CDC42BPA: variants seen among roughly 807,000 people sequenced by gnomAD.
The protein encoded by CDC42BPA is serine/threonine-protein kinase MRCK alpha.
In CDC42BPA, 80 loss-of-function variants were observed where a neutral mutation model predicts 223.5. The observed-to-expected ratio is 0.36, with a 90% CI of 0.30 to 0.43. The LOEUF (loss-of-function observed/expected upper bound fraction) is 0.43. Ranked by LOEUF, CDC42BPA falls within the 20% of genes least tolerant of loss-of-function variation. CDC42BPA has a pLI of 1.00. For missense variants in CDC42BPA, 1,743 were observed against 2,099.9 expected (o/e 0.83, Z 3.32); for synonymous variants, 694 against 718.6 (o/e 0.97, Z 0.55).
rs370210303 is a variant in CDC42BPA at position 227,066,023 on chromosome 1, C to T, written c.2904+3754G>A. ...CTCATTAGAGCCTTACCGCAAAGGG[C>T]AGGCATATAAGCATCAAGCACAATA... On this transcript the variant is annotated intron_variant, in intron 21 of 36. Transcript: ENST00000366766. Among the ~76,000 whole-genome samples the T allele has an allele frequency of 2.3e-4, 35 of 152,290 alleles. 2 individuals are homozygous for T. In the South Asian group the frequency reaches 7.3e-3, roughly 32 times the overall value.
At chr1:227,293,396 A>G (rs968722901) in intron 1 of CDC42BPA, among the ~76,000 whole-genome samples, 2 of 152,316 alleles carry the variant, frequency 1.3e-5, no homozygotes, top group African/African-American at 4.8e-5. Context: ...CCTCAAGCTT[A>G]CAGAACTTAT....
At chr1:227,169,025 A>C (rs1283922145) in intron 5 of CDC42BPA, among the ~76,000 whole-genome samples, 1 of 152,016 alleles carries the variant, frequency 6.6e-6, no homozygotes, top group Non-Finnish European at 1.5e-5. Context: ...ATTTAACTTC[A>C]AGTCTTTACT....
At chr1:227,080,035 GTGACCCA>G (rs1328305079) in intron 17 of CDC42BPA, among the ~76,000 whole-genome samples, 4 of 151,946 alleles carry the variant, frequency 2.6e-5, no homozygotes, top group African/African-American at 2.4e-5. Flanking sequence ...CATTTTGACT[GTGACCCA>G]TCACAAAGTC....
intron 1 of CDC42BPA, among the ~76,000 whole-genome samples, chr1:227,283,995 G>C (rs1441343196): frequency 5.3e-5 from 8 of 152,042 alleles, no homozygotes; most frequent in Non-Finnish European, 1.0e-4. Flanking sequence ...AGGTGGAGTG[G>C]GCTGCAGTGA....
intron 5 of CDC42BPA, chr1:227,178,332 G>C (rs1485320150): frequency 6.5e-6 from 1 of 152,726 alleles, no homozygotes; most frequent in Non-Finnish European, 1.5e-5. Context: ...ACTTTTATCA[G>C]GGTTTCTCAT....
chr1:227,008,714 G>A (rs991704566), intron 34 of CDC42BPA, among the ~76,000 whole-genome samples: 5 of 152,150 alleles, frequency 3.3e-5, no homozygotes, highest in Admixed American at 1.3e-4. Flanking sequence ...AAGCTCCAAA[G>A]CATACATTTT....
At chr1:227,277,549 T>C (rs917659444) in intron 1 of CDC42BPA, among the ~76,000 whole-genome samples, 1 of 152,162 alleles carries the variant, frequency 6.6e-6, no homozygotes, top group Non-Finnish European at 1.5e-5. Flanking sequence ...TCCATCACAA[T>C]CAAGATGAGT....
intron 6 of CDC42BPA, among the ~76,000 whole-genome samples, chr1:227,148,165 G>GT (rs983672686): frequency 1.7e-4 from 26 of 152,018 alleles, no homozygotes; most frequent in African/African-American, 6.3e-4. Flanking sequence ...TAGAAAACAG[G>GT]TAATTAAAAC....
At chr1:227,220,730 T>C (rs1417425414) in intron 2 of CDC42BPA, among the ~76,000 whole-genome samples, 2 of 152,176 alleles carry the variant, frequency 1.3e-5, no homozygotes, top group African/African-American at 4.8e-5. Context: ...ACAGTATCAT[T>C]TGACATCTTG....
intron 11 of CDC42BPA, 90 bp from the exon 12 acceptor site, chr1:227,120,027 T>G: frequency 2.0e-6 from 2 of 1,008,366 alleles, no homozygotes; most frequent in Non-Finnish European, 2.8e-6. Flanking sequence ...TTTTTAAAAT[T>G]GGTATTTTCA....
intron 1 of CDC42BPA, among the ~76,000 whole-genome samples, chr1:227,283,849 T>C (rs1688389213): frequency 6.6e-6 from 1 of 152,192 alleles, no homozygotes; most frequent in African/African-American, 2.4e-5. Context: ...GGCAGGCAGT[T>C]CACTTGAGGC....
At chr1:227,023,667 C>A (rs1667775039) in intron 31 of CDC42BPA, among the ~76,000 whole-genome samples, 1 of 152,122 alleles carries the variant, frequency 6.6e-6, no homozygotes. Flanking sequence ...ATCAACACAG[C>A]TGATTTATGA....
In CDC42BPA at chr1:227,317,055, T is replaced by A. The variant is rs201862186; in HGVS notation, c.128A>T (p.Asn43Ile). 3.1e-6 allele frequency: 5 copies of A among 1,613,846 alleles called. No individual in the cohort carries two copies. Among genetic ancestry groups the A allele is most frequent in the Non-Finnish European group, 4.2e-6 (5 of 1,179,734 alleles). Residue 43 changes from asparagine (N) to isoleucine (I), a missense_variant, in exon 1 of 37, where the codon AAT (asparagine) becomes ATT (isoleucine). Physicochemically the swap from Asn to Ile is moderately radical, Grantham distance 149. This residue lies in a region of CDC42BPA where 321 missense variants were observed against 488.7 expected (regional missense o/e 0.66). Transcript: ENST00000366766. Reference sequence around the variant, plus strand: ...CTTCTCTCTTCTCAATGGAGAATTATTGCATTCATCATAAAGGCAGATGAG... The same window carrying A: ...CTTCTCTCTTCTCAATGGAGAATTAATGCATTCATCATAAAGGCAGATGAG... The part of the protein sequence containing the change: ...DILICLYDEC[N>I]NSPLRREKNI...
chr1:227,221,616 T>TA (rs1675920972), intron 2 of CDC42BPA, among the ~76,000 whole-genome samples: 1 of 151,110 alleles, frequency 6.6e-6, no homozygotes, highest in South Asian at 2.1e-4. Flanking sequence ...TTTTTTTTTT[T>TA]ACCACATTAC....
intron 19 of CDC42BPA, among the ~76,000 whole-genome samples, chr1:227,072,733 G>A (rs1249412427): frequency 6.6e-6 from 1 of 152,042 alleles, no homozygotes; most frequent in East Asian, 1.9e-4. Flanking sequence ...TGAAAGTGGA[G>A]CACATACAGG....
At chr1:227,141,539 C>T (rs1054691539) in intron 9 of CDC42BPA, among the ~76,000 whole-genome samples, 6 of 152,084 alleles carry the variant, frequency 3.9e-5, no homozygotes, top group Non-Finnish European at 8.8e-5. Context: ...AGTAAGTAGG[C>T]GGTAAATATG....
intron 32 of CDC42BPA, among the ~76,000 whole-genome samples, chr1:227,019,898 ATTCTTTTTTT>A (rs1005995987): frequency 6.6e-6 from 1 of 151,758 alleles, no homozygotes; most frequent in African/African-American, 2.4e-5. Flanking sequence ...AGTTACCATA[ATTCTTTTTTT>A]TTTTTGAGAT....
intron 10 of CDC42BPA, among the ~76,000 whole-genome samples, chr1:227,131,959 C>T (rs1055119967): frequency 1.3e-5 from 2 of 152,102 alleles, no homozygotes; most frequent in Admixed American, 6.6e-5. Context: ...GACAGGAGAA[C>T]GGGAGTCAGT....
At chr1:227,075,988 T>C (rs183127640) in intron 17 of CDC42BPA, among the ~76,000 whole-genome samples, 1 of 152,324 alleles carries the variant, frequency 6.6e-6, no homozygotes, top group Non-Finnish European at 1.5e-5. Context: ...TTTATTTACA[T>C]GTTGAACACA....
Sources: allele counts gnomAD v4.1 joint callset (sites outside exome capture counted in the v4.1 genomes callset), GRCh38; gene constraint gnomAD v4.1.1; regional missense constraint gnomAD v4.1.1; transcripts MANE v1.5; gene names NCBI Gene and HGNC (gene_info 2026-07-23, HGNC 2026-07-21).